The following TAPT1 variants were observed in gnomAD, a reference collection of about 807,000 sequenced individuals.
TAPT1 encodes the protein transmembrane anterior posterior transformation protein 1 homolog.
A neutral mutation model predicts 65.6 loss-of-function variants in TAPT1; 28 were observed. That is an observed-to-expected ratio of 0.43 (90% CI 0.32 to 0.59). TAPT1 has a LOEUF of 0.59. Ranked by LOEUF, TAPT1 falls within the 20% of genes least tolerant of loss-of-function variation. TAPT1 has a pLI of 0.09. For synonymous variants in TAPT1, 278 were observed against 245.2 expected, an observed-to-expected ratio of 1.13 and a Z score of -1.25; for missense variants, 563 against 679.9, an observed-to-expected ratio of 0.83 and a Z score of 1.91.
intron 2 of TAPT1, among the ~76,000 whole-genome samples, chr4:16,205,147 G>A (rs924616130): frequency 6.6e-5 from 10 of 152,086 alleles, no homozygotes; most frequent in African/African-American, 2.4e-4. Context: ...AAAAATCTAC[G>A]TGTCCCTTTA....
At chr4:16,188,459 T>C in intron 4 of TAPT1, 104 bp from the exon 5 acceptor site, 2 of 889,898 alleles carry the variant, frequency 2.2e-6, no homozygotes, top group Non-Finnish European at 3.2e-6. Context: ...TTTTAAATCC[T>C]AGTAGAAGGC....
At chr4:16,224,337 T>C (rs1560195993) in intron 1 of TAPT1, among the ~76,000 whole-genome samples, 1 of 152,182 alleles carries the variant, frequency 6.6e-6, no homozygotes, top group African/African-American at 2.4e-5. Flanking sequence ...TAATTGTTTC[T>C]AGTGGGGAAA....
intron 7 of TAPT1, among the ~76,000 whole-genome samples, chr4:16,186,039 C>T (rs906134367): frequency 4.6e-5 from 7 of 152,200 alleles, no homozygotes; most frequent in African/African-American, 1.4e-4. Context: ...GTGGCTCTGG[C>T]TTTCAAAAAC....
Position 16,174,270 on chromosome 4 carries a change from T to C in TAPT1, c.1170A>G (p.Ala390=), listed in dbSNP as rs1445558489. ...FDLVSSRQKN[A]YTDYSDSVAR... ...CTACAGAGTCACTGTAATCAGTGTA[T>C]GCCTGAACAGAGAAAGAAGCAAAAG... The change falls in exon 11 of 14, where the codon GCA becomes GCG. Residue 390 remains alanine (A), a splice_region_variant and synonymous_variant. Transcript: ENST00000405303. The C allele has an allele frequency of 2.5e-6, 4 of 1,603,738 alleles. No individual in the cohort carries two copies. The highest frequency in any genetic ancestry group is 3.4e-5 in the Admixed American group (2 of 58,634).
chr4:16,221,993 G>A (rs1471345449), intron 1 of TAPT1, among the ~76,000 whole-genome samples: 1 of 152,188 alleles, frequency 6.6e-6, no homozygotes. Context: ...GTCTCATTTA[G>A]AGGAGTAAAG....
chr4:16,182,699 A>C (rs942881300), intron 7 of TAPT1: 1 of 152,228 alleles, frequency 6.6e-6, no homozygotes, highest in Non-Finnish European at 1.5e-5. Context: ...TGCGTAAAAA[A>C]CTACCTAAAA....
At chr4:16,178,951 A>G (rs1311566439) in intron 8 of TAPT1, 1 of 152,240 alleles carries the variant, frequency 6.6e-6, no homozygotes, top group Non-Finnish European at 1.5e-5. Context: ...AAAGGCTCAG[A>G]GCTGCCAGGC....
chr4:16,195,162 C>A (rs1749626534), intron 3 of TAPT1, among the ~76,000 whole-genome samples: 1 of 152,218 alleles, frequency 6.6e-6, no homozygotes, highest in Non-Finnish European at 1.5e-5. Context: ...AAAGACCTAA[C>A]CTCACAAATA....
In TAPT1 at chr4:16,166,863, C is replaced by T. The variant is rs529305779; in HGVS notation, c.1314-70G>A. 48 of 1,491,190 alleles carry T rather than the reference C, an allele frequency of 3.2e-5. 1 individual carries two copies. In the African/African-American group the frequency reaches 4.4e-4, roughly 14 times the overall value. The allele number at this position is 1,491,190 out of a possible 1,614,324, so 92.4% of individuals were successfully genotyped here. On this transcript the variant is annotated intron_variant, in intron 12 of 13. Transcript: ENST00000405303. ...AAATCCCTGTGAATGCCATCTACTA[C>T]CATGGCTAAGGAGAAGGTGGGGGGG...
chr4:16,219,816 G>C (rs1751148039), intron 1 of TAPT1, among the ~76,000 whole-genome samples: 1 of 152,226 alleles, frequency 6.6e-6, no homozygotes, highest in Non-Finnish European at 1.5e-5. Context: ...CAGAAGTTGA[G>C]AGACTTGTCC....
rs368795194 is a variant in TAPT1 at position 16,174,308 on chromosome 4, G to A, written c.1168-36C>T. 7.2e-5 allele frequency: 112 copies of A among 1,552,528 alleles called. No individual in the cohort carries two copies. The African/African-American group carries it at 1.2e-3, about 17-fold the overall frequency. On this transcript the variant is annotated intron_variant, in intron 10 of 13. Transcript: ENST00000405303. ...AAAGAAGCAAAAGATTCAGATTTAT[G>A]GGATTTAAACAGCATTTTAAAAGTA... is the stretch of plus-strand genomic sequence containing the variant.
At chr4:16,202,761 T>C (rs1750115272) in intron 2 of TAPT1, among the ~76,000 whole-genome samples, 181 bp from the exon 3 acceptor site, 1 of 152,162 alleles carries the variant, frequency 6.6e-6, no homozygotes, top group Non-Finnish European at 1.5e-5. Context: ...CCTCAGAGCC[T>C]TTGGTTTACG....
At chr4:16,166,478 G>GTA (rs1398139147) in intron 13 of TAPT1, among the ~76,000 whole-genome samples, 155 bp downstream of exon 13, 1 of 152,186 alleles carries the variant, frequency 6.6e-6, no homozygotes, top group Non-Finnish European at 1.5e-5. Context: ...ACTGGGCCAG[G>GTA]TATATATGGG....
At chr4:16,179,788 T>TTATATATATATATATATGTGTATATATA (rs757324466) in intron 7 of TAPT1, 131 bp from the exon 8 acceptor site, 48 of 431,832 alleles carry the variant, frequency 1.1e-4, no homozygotes, top group African/African-American at 8.7e-4. Flanking sequence ...ATATACAACT[T>TTATATATATATATATATGTGTATATATA]TATATATATA....
chr4:16,211,149 G>GT (rs1470670034), intron 2 of TAPT1, among the ~76,000 whole-genome samples: 2 of 151,272 alleles, frequency 1.3e-5, no homozygotes, highest in African/African-American at 2.4e-5. Context: ...TGCAACCTTT[G>GT]TAGAAGCAAA....
At chr4:16,181,189 T>C (rs528030856) in intron 7 of TAPT1, among the ~76,000 whole-genome samples, 12 of 152,260 alleles carry the variant, frequency 7.9e-5, no homozygotes, top group Non-Finnish European at 2.9e-5. Context: ...AATTTACCAA[T>C]GTATCTTTAA....
At chr4:16,206,065 G>A (rs1210930622) in intron 2 of TAPT1, among the ~76,000 whole-genome samples, 1 of 152,184 alleles carries the variant, frequency 6.6e-6, no homozygotes, top group African/African-American at 2.4e-5. Flanking sequence ...AACTATAAAT[G>A]ACTGACTTTG....
chr4:16,193,071 GTT>G (rs1038299391), intron 3 of TAPT1, among the ~76,000 whole-genome samples: 1 of 152,156 alleles, frequency 6.6e-6, no homozygotes, highest in Non-Finnish European at 1.5e-5. Context: ...ACTCATTCTT[GTT>G]TTCTACAATG....
intron 3 of TAPT1, 23 bp downstream of exon 3, chr4:16,202,439 A>G (rs2149703726): frequency 7.8e-7 from 1 of 1,282,108 alleles, no homozygotes; most frequent in Non-Finnish European, 1.1e-6. Flanking sequence ...TACATTTACA[A>G]TAGTTAACGA....
Sources: allele counts gnomAD v4.1 joint callset (sites outside exome capture counted in the v4.1 genomes callset), GRCh38; gene constraint gnomAD v4.1.1; transcripts MANE v1.5; gene names NCBI Gene and HGNC (gene_info 2026-07-23, HGNC 2026-07-21).